Variants in SLC22A24 observed in about 807,000 individuals in gnomAD.
The protein encoded by SLC22A24 is solute carrier family 22 member 24, also known as steroid transmembrane transporter SLC22A24.
In SLC22A24, 53 loss-of-function variants were observed where a neutral mutation model predicts 49.8. The ratio of observed to expected loss-of-function variants is 1.06; its 90% CI spans 0.85 to 1.34. The LOEUF is 1.34. SLC22A24 is among the 40% of genes most tolerant of loss of function. The probability of loss-of-function intolerance (pLI) is 0.00; values close to 1 mark genes in which losing one functional copy is unlikely to be tolerated. For missense variants in SLC22A24, 786 were observed against 675.9 expected, an observed-to-expected ratio of 1.16 and a Z score of -1.81; for synonymous variants, 302 against 256.4, an observed-to-expected ratio of 1.18 and a Z score of -1.70.
intron 6 of SLC22A24, among the ~76,000 whole-genome samples, chr11:63,085,690 C>T (rs1590727491): frequency 6.6e-6 from 1 of 152,166 alleles, no homozygotes; most frequent in South Asian, 2.1e-4. Flanking sequence ...GCCTCTGCAA[C>T]CTTAACACAT....
At chr11:63,142,480 T>A (rs1440809580) in intron 1 of SLC22A24, among the ~76,000 whole-genome samples, 1 of 152,182 alleles carries the variant, frequency 6.6e-6, no homozygotes, top group Non-Finnish European at 1.5e-5. Flanking sequence ...TGGGAGAAAC[T>A]TAGTTTGTAG....
chr11:63,098,531 G>A (rs1214134397), intron 5 of SLC22A24, among the ~76,000 whole-genome samples: 1 of 152,002 alleles, frequency 6.6e-6, no homozygotes, highest in East Asian at 1.9e-4. Flanking sequence ...AGCCAGGCAT[G>A]GTGGCACATG....
At chr11:63,092,043 C>T (rs2087023632) in intron 6 of SLC22A24, among the ~76,000 whole-genome samples, 1 of 152,172 alleles carries the variant, frequency 6.6e-6, no homozygotes, top group African/African-American at 2.4e-5. Context: ...TGATAAGCAA[C>T]TTCAGCAAAG....
intron 4 of SLC22A24, among the ~76,000 whole-genome samples, chr11:63,112,183 G>A (rs1202230666): frequency 6.6e-6 from 1 of 152,110 alleles, no homozygotes; most frequent in East Asian, 1.9e-4. Flanking sequence ...TTAATCCTGA[G>A]TTCTAGTTTG....
chr11:63,118,797 G>T, intron 4 of SLC22A24, 115 bp downstream of exon 4: 1 of 1,062,786 alleles, frequency 9.4e-7, no homozygotes, highest in Non-Finnish European at 1.4e-6. Context: ...AGGTACTATG[G>T]ACATCATGGC....
chr11:63,130,407 T>C (rs1468029825), intron 2 of SLC22A24, among the ~76,000 whole-genome samples: 2 of 152,224 alleles, frequency 1.3e-5, no homozygotes, highest in Admixed American at 6.5e-5. Context: ...TTCACATCAA[T>C]GTTCATCAGG....
intron 1 of SLC22A24, among the ~76,000 whole-genome samples, chr11:63,142,282 T>C (rs2087420451): frequency 6.6e-6 from 1 of 152,182 alleles, no homozygotes; most frequent in Non-Finnish European, 1.5e-5. Flanking sequence ...GAGTGATAGA[T>C]GGCCTTTTCC....
rs527306932 is a variant in SLC22A24 at position 63,096,125 on chromosome 11, C to T, written c.955-19G>A. The T allele has an allele frequency of 4.1e-5, 61 of 1,471,030 alleles. No homozygotes were observed. The highest frequency in any genetic ancestry group is 5.0e-5 in the Non-Finnish European group (54 of 1,073,930). The allele number at this position is 1,471,030 out of a possible 1,614,324, so 91.1% of individuals were successfully genotyped here. A position where few individuals can be genotyped will look rare whatever the true frequency, so the allele number is the denominator to read the frequency against. ...TCACAAGCTTCAGCAACAAAAATAA[C>T]AACAAGCATTTGTGAGATGTCAATA... On this transcript the variant is annotated intron_variant, in intron 5 of 9. Transcript: ENST00000612278.
chr11:63,138,427 G>C (rs111917130), intron 1 of SLC22A24, among the ~76,000 whole-genome samples: 5,940 of 152,080 alleles, frequency 0.039, 166 homozygotes, highest in Non-Finnish European at 0.063. Context: ...CAGATCATAA[G>C]GTCAGGAGAT....
chr11:63,094,506 T>C (rs1241839190), intron 6 of SLC22A24, among the ~76,000 whole-genome samples: 2 of 152,202 alleles, frequency 1.3e-5, no homozygotes, highest in African/African-American at 4.8e-5. Context: ...AGTAATGGGA[T>C]GGCTGGGTCG....
intron 7 of SLC22A24, among the ~76,000 whole-genome samples, chr11:63,082,441 G>T (rs973999171): frequency 6.6e-6 from 1 of 152,172 alleles, no homozygotes; most frequent in African/African-American, 2.4e-5. Flanking sequence ...AGGAGGCATG[G>T]AGCCCACCAG....
rs376175491 is a variant in SLC22A24, at chr11:63,096,350, T to C, written c.955-244A>G. On this transcript the variant is annotated intron_variant, in intron 5 of 9. Transcript: ENST00000612278. Reference sequence around the variant, plus strand: ...ACCAGGTTAAACACTGAGCCAGTGATAGGTAAAAGCATTAACAAAAATATT... The same window carrying C: ...ACCAGGTTAAACACTGAGCCAGTGACAGGTAAAAGCATTAACAAAAATATT... 1.1e-3 allele frequency among the ~76,000 whole-genome samples: 166 copies of C among 152,238 alleles called. 5 individuals carry two copies. In the South Asian group the frequency reaches 0.033, roughly 31 times the overall value.
chr11:63,081,490 A>T (rs2086959759), intron 8 of SLC22A24, 68 bp downstream of exon 8: 2 of 1,104,684 alleles, frequency 1.8e-6, no homozygotes, highest in African/African-American at 3.1e-5. Context: ...TCAGTCTTTC[A>T]TTCACAATGA....
At chr11:63,119,384 G>T (rs866744042) in intron 2 of SLC22A24, 49 bp from the exon 3 acceptor site, 2 of 1,451,292 alleles carry the variant, frequency 1.4e-6, no homozygotes, top group African/African-American at 1.4e-5. Flanking sequence ...AAAATAACAC[G>T]TGGAAAACTT....
At chr11:63,126,539 C>G (rs934795814) in intron 2 of SLC22A24, among the ~76,000 whole-genome samples, 4 of 152,118 alleles carry the variant, frequency 2.6e-5, no homozygotes, top group Admixed American at 2.6e-4. Flanking sequence ...GGAACCAGTA[C>G]CATGCTGTTT....
Position 63,124,818 on chromosome 11 carries a change from A to T in SLC22A24, c.507-5483T>A, listed in dbSNP as rs151114492. On this transcript the variant is annotated intron_variant, in intron 2 of 9. Coordinates refer to ENST00000612278, the MANE Select transcript of SLC22A24 (RefSeq NM_001136506.2). ...GTCCTTTGTAGGGACATGAATGAAA[A>T]TGGAAATCATCATTCTCAGTAAACT... Among the ~76,000 whole-genome samples, 633 of 152,218 alleles carry T rather than the reference A, an allele frequency of 4.2e-3. 4 individuals carry two copies. The highest frequency in any genetic ancestry group is 0.014 in the African/African-American group (581 of 41,536).
At chr11:63,118,855 C>G (rs2134666201) in intron 4 of SLC22A24, 57 bp downstream of exon 4, 1 of 1,541,248 alleles carries the variant, frequency 6.5e-7, no homozygotes, top group South Asian at 1.2e-5. Flanking sequence ...CAGAATTTTC[C>G]TTTCTATGTC....
intron 4 of SLC22A24, among the ~76,000 whole-genome samples, chr11:63,116,794 A>G (rs1328859574): frequency 6.6e-6 from 1 of 152,156 alleles, no homozygotes; most frequent in Non-Finnish European, 1.5e-5. Flanking sequence ...TTTATTCACT[A>G]AACTGGATAA....
At chr11:63,139,603 G>A (rs539153002) in intron 1 of SLC22A24, among the ~76,000 whole-genome samples, 1 of 152,260 alleles carries the variant, frequency 6.6e-6, no homozygotes, top group African/African-American at 2.4e-5. Flanking sequence ...CATGGGGGAT[G>A]GTCTAATTAT....
Sources: gnomAD v4.1 joint callset for allele counts (sites outside exome capture counted in the v4.1 genomes callset) on GRCh38, gnomAD v4.1.1 for gene constraint, MANE v1.5 for transcripts, NCBI Gene and HGNC (gene_info 2026-07-23, HGNC 2026-07-21) for gene names.